Variants in TGIF1 observed in about 807,000 individuals in gnomAD.
The protein encoded by TGIF1 is homeobox protein TGIF1.
TGIF1 carries 4 observed loss-of-function variants against 19.3 expected under a neutral mutation model. The ratio of observed to expected loss-of-function variants is 0.21; its 90% CI spans 0.10 to 0.47. The LOEUF (loss-of-function observed/expected upper bound fraction) is 0.47. Ranked by LOEUF, TGIF1 falls within the 20% of genes least tolerant of loss-of-function variation. TGIF1 has a pLI of 0.98. For missense variants in TGIF1, 275 were observed against 341.4 expected, an observed-to-expected ratio of 0.81 and a Z score of 1.53; for synonymous variants, 122 against 129.3, an observed-to-expected ratio of 0.94 and a Z score of 0.38.
At chr18:3,418,447 GGCATAGTATTT>G (rs1431483776) in intron 2 of TGIF1, 1 of 152,134 alleles carries the variant, frequency 6.6e-6, no homozygotes, top group Non-Finnish European at 1.5e-5. Context: ...TATATAAAAT[GGCATAGTATTT>G]GCATATAACC....
intron 2 of TGIF1, among the ~76,000 whole-genome samples, chr18:3,429,645 A>G (rs989256283): frequency 6.6e-6 from 1 of 152,264 alleles, no homozygotes; most frequent in Non-Finnish European, 1.5e-5. Flanking sequence ...TATATACTTC[A>G]GTGAACCATT....
chr18:3,447,952 T>C (rs2082774038), upstream of TGIF1: 2 of 871,660 alleles, frequency 2.3e-6, no homozygotes, highest in South Asian at 5.3e-5. Context: ...TCGCAGTCAT[T>C]AGCCAAGTCC....
At chr18:3,450,599 T>C in intron 1 of TGIF1, 94 bp downstream of exon 1, 1 of 1,546,814 alleles carries the variant, frequency 6.5e-7, no homozygotes, top group Non-Finnish European at 8.7e-7. Context: ...GGTGGACTTT[T>C]CCGCCCAGGG....
upstream of TGIF1, chr18:3,449,581 G>C (rs925442165): frequency 4.1e-6 from 4 of 983,888 alleles, no homozygotes; most frequent in Non-Finnish European, 4.8e-6. Context: ...GTCGCTGCTG[G>C]AGGAAGAGCC....
chr18:3,417,622 T>A (rs78679540), intron 1 of TGIF1, among the ~76,000 whole-genome samples: 5,480 of 152,332 alleles, frequency 0.036, 122 homozygotes, highest in Non-Finnish European at 0.045. Context: ...ATAACTGTTA[T>A]TGTAAATTTA....
intron 2 of TGIF1, among the ~76,000 whole-genome samples, chr18:3,424,078 C>T (rs552924090): frequency 6.6e-6 from 1 of 152,198 alleles, no homozygotes; most frequent in African/African-American, 2.4e-5. Context: ...AAGTCAAATT[C>T]TTTCATGTTT....
chr18:3,448,717 C>CTTTT (rs869086299), upstream of TGIF1: 34 of 255,900 alleles, frequency 1.3e-4, 2 homozygotes, highest in African/African-American at 1.3e-3. Flanking sequence ...GCGGGGGTGT[C>CTTTT]TTTTTTTTTT....
chr18:3,421,352 G>T (rs2082394760), intron 2 of TGIF1, among the ~76,000 whole-genome samples: 1 of 146,976 alleles, frequency 6.8e-6, no homozygotes, highest in Non-Finnish European at 1.5e-5. Flanking sequence ...ATTTGAGATG[G>T]AGTTTGCGTC....
chr18:3,430,586 T>G (rs188904359), intron 2 of TGIF1, among the ~76,000 whole-genome samples: 1 of 152,178 alleles, frequency 6.6e-6, no homozygotes, highest in East Asian at 1.9e-4. Flanking sequence ...CACTGCAGCC[T>G]CCACCTGACA....
upstream of TGIF1, chr18:3,447,681 CA>C (rs928528970): frequency 2.5e-6 from 4 of 1,600,916 alleles, no homozygotes; most frequent in Middle Eastern, 3.5e-4. Context: ...CGCTACATCA[CA>C]GAATTGTGCC....
intron 2 of TGIF1, among the ~76,000 whole-genome samples, chr18:3,443,115 C>T (rs907832165): frequency 1.3e-5 from 2 of 152,134 alleles, no homozygotes; most frequent in African/African-American, 4.8e-5. Flanking sequence ...TTCTGTTGGG[C>T]CCAGCCGGTT....
intron 1 of TGIF1, chr18:3,418,063 G>A (rs990537715): frequency 1.3e-5 from 2 of 151,776 alleles, no homozygotes; most frequent in Non-Finnish European, 1.5e-5. Flanking sequence ...ATTGTCTATC[G>A]GTGAAGGGCC....
intron 2 of TGIF1, among the ~76,000 whole-genome samples, chr18:3,422,686 T>G (rs1273647666): frequency 0.056 from 6,624 of 118,774 alleles, 778 homozygotes; most frequent in African/African-American, 0.16. Flanking sequence ...TTTTTTTTTT[T>G]TTTTTTTTTT....
intron 1 of TGIF1, chr18:3,452,206 G>A: frequency 6.2e-7 from 1 of 1,600,032 alleles, no homozygotes; most frequent in Non-Finnish European, 8.5e-7. Flanking sequence ...GCGCTCCTGG[G>A]GTCCTCCTGC....
At chr18:3,452,631 G>T (rs1057306882) in intron 1 of TGIF1, among the ~76,000 whole-genome samples, 2 of 152,022 alleles carry the variant, frequency 1.3e-5, no homozygotes, top group Admixed American at 1.3e-4. Context: ...GAACTCTCAA[G>T]AACAAAAGCT....
At chr18:3,448,013 T>A (rs1162290149), upstream of TGIF1, 1 of 972,522 alleles carries the variant, frequency 1.0e-6, no homozygotes, top group Non-Finnish European at 1.2e-6. Context: ...AGCCACCGCG[T>A]GGCCAAGGAG....
In TGIF1 at chr18:3,451,832, A is replaced by C; in HGVS notation, c.16+1327A>C. The C allele has an allele frequency of 2.9e-6, 4 of 1,368,822 alleles. No individual in the cohort carries two copies. Among genetic ancestry groups the C allele is most frequent in the Non-Finnish European group, 3.8e-6 (4 of 1,060,650 alleles). The allele number at this position is 1,368,822 out of a possible 1,614,324, so 84.8% of individuals were successfully genotyped here. On this transcript the variant is annotated intron_variant, in intron 1 of 2. Transcript: ENST00000343820. The surrounding 1 kb of genome is among the most constrained non-coding windows in gnomAD (Gnocchi z 5.4). Reference sequence around the variant, plus strand: ...ACGGAGGGAGGACTCGGGACAGGGAATTGGCCCTGGGAGAAAACGCGCGGG... The same window carrying C: ...ACGGAGGGAGGACTCGGGACAGGGACTTGGCCCTGGGAGAAAACGCGCGGG...
At chr18:3,439,446 C>A (rs894820251) in intron 2 of TGIF1, among the ~76,000 whole-genome samples, 1 of 151,446 alleles carries the variant, frequency 6.6e-6, no homozygotes, top group Non-Finnish European at 1.5e-5. Flanking sequence ...CAGGTTCAAG[C>A]GATTCTCCTG....
intron 1 of TGIF1, chr18:3,452,339 A>C (rs1391300281): frequency 6.2e-7 from 1 of 1,613,288 alleles, no homozygotes; most frequent in African/African-American, 1.3e-5. Context: ...CCCAGGGCGC[A>C]CAGGGTCCAG....
Sources: allele counts gnomAD v4.1 joint callset (sites outside exome capture counted in the v4.1 genomes callset), GRCh38; gene constraint gnomAD v4.1.1; non-coding constraint Gnocchi (gnomAD v3.1); transcripts MANE v1.5; gene names NCBI Gene and HGNC (gene_info 2026-07-23, HGNC 2026-07-21).